The following ROR1 variants were observed in gnomAD, a reference collection of about 807,000 sequenced individuals.
The protein encoded by ROR1 is ROR family WNT receptor 1.
Under a neutral mutation model 78.8 loss-of-function variants are expected in ROR1, and 19 were observed. That is an observed-to-expected ratio of 0.24 (90% confidence interval 0.17 to 0.35). The LOEUF (loss-of-function observed/expected upper bound fraction) is 0.35. Among genes scored for constraint, ROR1 ranks in the 10% least tolerant of loss-of-function variants. The probability of loss-of-function intolerance (pLI) is 1.00; values close to 1 mark genes in which losing one functional copy is unlikely to be tolerated. For synonymous variants in ROR1, 386 were observed against 433.6 expected, an observed-to-expected ratio of 0.89 and a Z score of 1.36; for missense variants, 917 against 1,177.8, an observed-to-expected ratio of 0.78 and a Z score of 3.24.
intron 4 of ROR1, among the ~76,000 whole-genome samples, chr1:64,064,533 C>G (rs1363355003): frequency 1.3e-5 from 2 of 152,190 alleles, no homozygotes; most frequent in African/African-American, 4.8e-5. Flanking sequence ...AGGAACGGAT[C>G]TGAAGACAAA....
intron 4 of ROR1, among the ~76,000 whole-genome samples, chr1:64,068,486 T>C (rs988349692): frequency 1.2e-4 from 19 of 152,192 alleles, no homozygotes; most frequent in African/African-American, 4.1e-4. Context: ...ATTAAATCCA[T>C]TGCCTTTGAT....
intron 1 of ROR1, among the ~76,000 whole-genome samples, chr1:63,794,748 G>T (rs1452533647): frequency 6.6e-6 from 1 of 152,220 alleles, no homozygotes; most frequent in East Asian, 1.9e-4. Flanking sequence ...AGCAAGAAGG[G>T]AGCAGCGGAG....
chr1:63,955,185 G>T (rs542924330), intron 1 of ROR1, among the ~76,000 whole-genome samples: 40 of 152,242 alleles, frequency 2.6e-4, no homozygotes, highest in Non-Finnish European at 4.1e-4. Flanking sequence ...GGCCAGCCAG[G>T]TTACGTGAAA....
intron 4 of ROR1, among the ~76,000 whole-genome samples, chr1:64,122,827 T>G (rs1344411709): frequency 1.3e-5 from 2 of 152,176 alleles, no homozygotes; most frequent in Non-Finnish European, 2.9e-5. Flanking sequence ...CAACCTAGTC[T>G]TTTTGCTTTT....
intron 1 of ROR1, among the ~76,000 whole-genome samples, chr1:63,784,283 G>A (rs1050786947): frequency 2.0e-5 from 3 of 152,122 alleles, no homozygotes; most frequent in Admixed American, 1.3e-4. Context: ...AGCTGTCAGG[G>A]CCTGTCTAAA....
chr1:64,087,565 T>C (rs1647164745), intron 4 of ROR1, among the ~76,000 whole-genome samples: 1 of 152,206 alleles, frequency 6.6e-6, no homozygotes, highest in African/African-American at 2.4e-5. Context: ...TAATGTGGGC[T>C]TAATCTTCAT....
At chr1:64,145,801 C>A (rs1649457233) in intron 7 of ROR1, among the ~76,000 whole-genome samples, 1 of 152,152 alleles carries the variant, frequency 6.6e-6, no homozygotes, top group South Asian at 2.1e-4. Context: ...TTCCACGCAC[C>A]AGGCACAGTG....
chr1:63,912,429 C>T (rs974262041), intron 1 of ROR1, among the ~76,000 whole-genome samples: 7 of 152,136 alleles, frequency 4.6e-5, no homozygotes, highest in African/African-American at 1.2e-4. Context: ...ATTTACAAAA[C>T]GCTCTGAGAG....
At chr1:64,001,387 A>T (rs2100533068) in intron 1 of ROR1, among the ~76,000 whole-genome samples, 1 of 152,296 alleles carries the variant, frequency 6.6e-6, no homozygotes, top group Non-Finnish European at 1.5e-5. Flanking sequence ...GCACACAGGA[A>T]ATCTTTGTGG....
intron 1 of ROR1, among the ~76,000 whole-genome samples, chr1:63,902,093 C>T (rs994424036): frequency 1.3e-5 from 2 of 152,054 alleles, no homozygotes; most frequent in Non-Finnish European, 2.9e-5. Flanking sequence ...GGTTGGACTT[C>T]AAGGCTTTTT....
intron 1 of ROR1, among the ~76,000 whole-genome samples, chr1:63,987,369 G>A (rs1040717166): frequency 3.9e-5 from 6 of 152,244 alleles, no homozygotes; most frequent in Middle Eastern, 6.8e-3. Context: ...TCTTTAACCC[G>A]TGCTTATTCC....
chr1:64,061,934 CCT>C (rs1428650047), intron 4 of ROR1, among the ~76,000 whole-genome samples: 5 of 152,120 alleles, frequency 3.3e-5, no homozygotes, highest in Admixed American at 2.6e-4. Flanking sequence ...TGTTAATCAC[CCT>C]CTTTTATCTG....
chr1:64,042,249 T>A (rs957567714), intron 2 of ROR1, among the ~76,000 whole-genome samples: 1 of 152,128 alleles, frequency 6.6e-6, no homozygotes, highest in African/African-American at 2.4e-5. Context: ...TAAATTAGAA[T>A]CTCTAAGGGT....
intron 1 of ROR1, among the ~76,000 whole-genome samples, chr1:63,920,791 C>G (rs1645648365): frequency 6.6e-6 from 1 of 152,200 alleles, no homozygotes. Flanking sequence ...GTTTGCATTC[C>G]TTTAACCAAG....
chr1:63,916,256 G>A (rs1374630802), intron 1 of ROR1, among the ~76,000 whole-genome samples: 1 of 152,160 alleles, frequency 6.6e-6, no homozygotes, highest in African/African-American at 2.4e-5. Flanking sequence ...ATTGTTGAAG[G>A]CAAGAGGATA....
At chr1:63,845,411 T>C (rs1645074540) in intron 1 of ROR1, among the ~76,000 whole-genome samples, 1 of 152,118 alleles carries the variant, frequency 6.6e-6, no homozygotes, top group African/African-American at 2.4e-5. Context: ...ACCCTACTAG[T>C]AGTAGTGGTA....
intron 1 of ROR1, among the ~76,000 whole-genome samples, chr1:63,970,893 C>T (rs1034603258): frequency 6.6e-6 from 1 of 152,188 alleles, no homozygotes; most frequent in Non-Finnish European, 1.5e-5. Context: ...CCATGGTCAC[C>T]ACCCTTGCTG....
intron 4 of ROR1, among the ~76,000 whole-genome samples, chr1:64,132,843 A>G (rs1362923021): frequency 6.6e-6 from 1 of 151,424 alleles, no homozygotes; most frequent in Non-Finnish European, 1.5e-5. Flanking sequence ...TTAGGACCAA[A>G]TTTGTCAGTA....
chr1:63,799,262 C>T (rs988155696), intron 1 of ROR1, among the ~76,000 whole-genome samples: 1 of 151,428 alleles, frequency 6.6e-6, no homozygotes, highest in Non-Finnish European at 1.5e-5. Flanking sequence ...GTGTCATTTC[C>T]CTTCCTCAAA....
Sources: allele counts gnomAD v4.1 joint callset (sites outside exome capture counted in the v4.1 genomes callset), GRCh38; gene constraint gnomAD v4.1.1; transcripts MANE v1.5; gene names NCBI Gene and HGNC (gene_info 2026-07-23, HGNC 2026-07-21).